The following PPFIA1 variants were observed in gnomAD, a reference collection of about 807,000 sequenced individuals.
PPFIA1 encodes the protein liprin-alpha-1.
PPFIA1 carries 25 observed loss-of-function variants against 149.9 expected under a neutral mutation model. The observed-to-expected ratio is 0.17, with a 90% CI of 0.12 to 0.23. PPFIA1 has a LOEUF of 0.23. Ranked by LOEUF, PPFIA1 falls within the 10% of genes least tolerant of loss-of-function variation. The pLI, the probability that PPFIA1 is intolerant of heterozygous loss-of-function variation, is 1.00. For missense variants in PPFIA1, 1,362 were observed against 1,506.5 expected (o/e 0.90, Z 1.59); for synonymous variants, 549 against 552.8 (o/e 0.99, Z 0.10).
In PPFIA1 at chr11:70,283,478, A is replaced by C. The variant is rs146016627; in HGVS notation, c.264+11042A>C. 1.5e-4 allele frequency among the ~76,000 whole-genome samples: 23 copies of C among 152,286 alleles called. No individual in the cohort carries two copies. In the East Asian group the frequency reaches 2.1e-3, roughly 14 times the overall value. ...GAATGAGGTCTTCAAATCAAATCCA[A>C]ACTTAGTGAAAAAGAAGTCTACCTG... On this transcript the variant is annotated intron_variant, in intron 2 of 27. Coordinates refer to ENST00000253925, the MANE Select transcript of PPFIA1 (RefSeq NM_003626.5).
At chr11:70,304,623 T>C (rs1273121060) in intron 2 of PPFIA1, among the ~76,000 whole-genome samples, 1 of 152,180 alleles carries the variant, frequency 6.6e-6, no homozygotes, top group African/African-American at 2.4e-5. Context: ...ACCTGGGACT[T>C]GTACTTGGCA....
intron 4 of PPFIA1, 40 bp from the exon 5 acceptor site, chr11:70,325,460 A>C: frequency 1.6e-6 from 2 of 1,240,056 alleles, no homozygotes; most frequent in Non-Finnish European, 2.3e-6. Context: ...AATAAACAGT[A>C]TACACACACA....
chr11:70,337,188 T>C, intron 11 of PPFIA1, among the ~76,000 whole-genome samples, 177 bp from the exon 12 acceptor site: 1 of 152,270 alleles, frequency 6.6e-6, no homozygotes, highest in Admixed American at 6.5e-5. Context: ...GTAAGAGATA[T>C]AAGAGAAGGT....
rs149790526 is a variant in PPFIA1 at position 70,339,173 on chromosome 11, G to C, written c.1574G>C (p.Arg525Pro). The C allele has an allele frequency of 6.2e-7, 1 of 1,612,946 alleles. No homozygotes were observed. Among genetic ancestry groups the C allele is most frequent in the African/African-American group, 1.3e-5 (1 of 74,784 alleles). The change falls in exon 14 of 28, where the codon CGA becomes CCA. Residue 525 changes from arginine (R) to proline (P), a missense_variant and splice_region_variant. Around this residue, in one of 7 missense-constraint regions of PPFIA1, gnomAD observed 733 missense variants for 744.1 expected, o/e 0.99. Coordinates refer to ENST00000253925, the MANE Select transcript of PPFIA1 (RefSeq NM_003626.5). Reference protein sequence around the residue: ...RLRGASLHHGRPHLGSVPDFR... With the variant: ...RLRGASLHHGPPHLGSVPDFR... Reference sequence around the variant, plus strand: ...CATTCTTATTTTTCATGTTTCAGCCGACCCCACTTGGGCAGTGTCCCAGAT... The same window carrying C: ...CATTCTTATTTTTCATGTTTCAGCCCACCCCACTTGGGCAGTGTCCCAGAT...
At chr11:70,317,225 C>A (rs979807003) in intron 2 of PPFIA1, among the ~76,000 whole-genome samples, 2 of 151,952 alleles carry the variant, frequency 1.3e-5, no homozygotes, top group Admixed American at 6.6e-5. Flanking sequence ...TAAGGTAGAT[C>A]ATTTATTGCA....
At chr11:70,287,019 A>G in intron 2 of PPFIA1, among the ~76,000 whole-genome samples, 1 of 151,702 alleles carries the variant, frequency 6.6e-6, no homozygotes, top group Non-Finnish European at 1.5e-5. Context: ...ACATATATGT[A>G]ATTATTATTA....
chr11:70,343,783 G>A lies in PPFIA1; in HGVS notation c.1822G>A (p.Asp608Asn). ...ADVSDGEDDR[D>N]TLLSSVDLLS... ...CGTGTCTGATGGTGAAGATGACAGG[G>A]ACACTCTCCTCAGCTCAGTTGACCT... The change falls in exon 15 of 28, where the codon GAC becomes AAC. Residue 608 changes from aspartate to asparagine, a missense_variant. Coordinates refer to ENST00000253925, the MANE Select transcript of PPFIA1 (RefSeq NM_003626.5). 6.2e-7 allele frequency: 1 copy of A among 1,614,200 alleles called. No homozygotes were observed. The highest frequency in any genetic ancestry group is 1.1e-5 in the South Asian group (1 of 91,078).
At position 70,343,870 on chromosome 11, in the gene PPFIA1, G is replaced by A; in HGVS notation, c.1909G>A (p.Asp637Asn). Residue 637 changes from aspartate (D) to asparagine (N), a missense_variant, in exon 15 of 28, where the codon GAC (aspartate) becomes AAC (asparagine). Asp to Asn is a conservative substitution (Grantham distance 23). Around this residue, in one of 7 missense-constraint regions of PPFIA1, gnomAD observed 733 missense variants for 744.1 expected, o/e 0.99. Coordinates refer to ENST00000253925, the MANE Select transcript of PPFIA1 (RefSeq NM_003626.5). The stretch of plus-strand genomic sequence containing the variant: ...AGCCATGATGCTTCAGGAGCAGCTG[G>A]ACGCCATCAACAAAGAGATCAGGTG... The part of the protein sequence containing the change: ...TLAMMLQEQL[D>N]AINKEIRLIQ... 1 of 1,613,840 alleles carries A rather than the reference G, an allele frequency of 6.2e-7. No homozygotes were observed. Among genetic ancestry groups the A allele is most frequent in the South Asian group, 1.1e-5 (1 of 91,000 alleles).
chr11:70,353,886 CG>C (rs2056210494), intron 16 of PPFIA1, among the ~76,000 whole-genome samples: 1 of 152,160 alleles, frequency 6.6e-6, no homozygotes. Context: ...AGGAGATAAA[CG>C]TATTTGTTAC....
chr11:70,351,034 T>C (rs1230064716), intron 16 of PPFIA1: 3 of 1,227,914 alleles, frequency 2.4e-6, no homozygotes, highest in East Asian at 5.8e-5. Context: ...GTAAATTGTT[T>C]AGTAATTTAA....
At chr11:70,318,485 C>T (rs1019270259) in intron 2 of PPFIA1, among the ~76,000 whole-genome samples, 2 of 152,346 alleles carry the variant, frequency 1.3e-5, no homozygotes, top group African/African-American at 2.4e-5. Context: ...TTCCCACCTC[C>T]CCACTGGATT....
chr11:70,272,714 A>AG (rs2050164177), intron 2 of PPFIA1, among the ~76,000 whole-genome samples: 2 of 152,328 alleles, frequency 1.3e-5, no homozygotes, highest in South Asian at 4.1e-4. Flanking sequence ...TTTTTGAAAA[A>AG]GGGCTCTGAA....
intron 2 of PPFIA1, among the ~76,000 whole-genome samples, chr11:70,290,621 A>G (rs550236781): frequency 1.2e-4 from 19 of 152,308 alleles, no homozygotes; most frequent in African/African-American, 4.6e-4. Context: ...CATGGAGTTC[A>G]TACTCTTTTC....
At chr11:70,353,617 G>A (rs1223143081) in intron 16 of PPFIA1, among the ~76,000 whole-genome samples, 4 of 152,202 alleles carry the variant, frequency 2.6e-5, no homozygotes, top group African/African-American at 4.8e-5. Context: ...AACCCTGGGA[G>A]TCTGACAAAG....
chr11:70,375,180 TTAAA>T, intron 24 of PPFIA1, 87 bp downstream of exon 24: 2 of 270,506 alleles, frequency 7.4e-6, no homozygotes, highest in African/African-American at 8.9e-5. Context: ...GAAAGAAACT[TTAAA>T]AAAAAAAAAA....
At chr11:70,324,618 C>T in intron 3 of PPFIA1, 115 bp downstream of exon 3, 3 of 969,128 alleles carry the variant, frequency 3.1e-6, no homozygotes, top group Non-Finnish European at 4.7e-6. Flanking sequence ...CTTTTCATAC[C>T]TTTTCCCACT....
At chr11:70,375,492 C>A (rs1014488178) in intron 24 of PPFIA1, 1 of 153,508 alleles carries the variant, frequency 6.5e-6, no homozygotes, top group Non-Finnish European at 1.4e-5. Context: ...TATTCCTCTA[C>A]AGAACATTGA....
intron 24 of PPFIA1, chr11:70,375,694 G>C (rs1325213343): frequency 6.6e-6 from 1 of 152,194 alleles, no homozygotes; most frequent in African/African-American, 2.4e-5. Flanking sequence ...GGGAGGCCAA[G>C]GCAGGGAGAT....
chr11:70,281,587 T>G (rs898728100), intron 2 of PPFIA1, among the ~76,000 whole-genome samples: 5 of 152,206 alleles, frequency 3.3e-5, no homozygotes, highest in Non-Finnish European at 7.3e-5. Flanking sequence ...TGGCTGACTG[T>G]CAGGCCTGTA....
Sources: gnomAD v4.1 joint callset for allele counts (sites outside exome capture counted in the v4.1 genomes callset) on GRCh38, gnomAD v4.1.1 for gene constraint, gnomAD v4.1.1 regional missense constraint, MANE v1.5 for transcripts, NCBI Gene and HGNC (gene_info 2026-07-23, HGNC 2026-07-21) for gene names.